RAPGEF5: variants seen among roughly 807,000 people sequenced by gnomAD.
RAPGEF5 encodes the protein M-Ras-regulated GEF.
Under a neutral mutation model 125.2 loss-of-function variants are expected in RAPGEF5, and 65 were observed. The observed-to-expected ratio is 0.52, with a 90% CI of 0.43 to 0.64. The LOEUF (loss-of-function observed/expected upper bound fraction) is 0.64, where lower values mean the gene tolerates loss of function less well. RAPGEF5 is among the 30% of genes least tolerant of loss of function. The probability of loss-of-function intolerance (pLI) is 0.00; values close to 1 mark genes in which losing one functional copy is unlikely to be tolerated. For missense variants in RAPGEF5, 958 were observed against 1,048.1 expected, an observed-to-expected ratio of 0.91 and a Z score of 1.19; for synonymous variants, 391 against 385.9, an observed-to-expected ratio of 1.01 and a Z score of -0.16.
At chr7:22,123,082 A>G (rs1782631745) in intron 25 of RAPGEF5, among the ~76,000 whole-genome samples, 1 of 152,222 alleles carries the variant, frequency 6.6e-6, no homozygotes, top group South Asian at 2.1e-4. Flanking sequence ...ATGAACAGAT[A>G]CAACAGAACA....
intron 1 of RAPGEF5, among the ~76,000 whole-genome samples, chr7:22,324,815 C>T (rs62447098): frequency 0.22 from 33,101 of 152,048 alleles, 3,673 homozygotes; most frequent in Admixed American, 0.24. Flanking sequence ...CCCGAAAACA[C>T]CTCCCTACAT....
At chr7:22,147,213 T>G (rs1783471274) in intron 18 of RAPGEF5, among the ~76,000 whole-genome samples, 194 bp from the exon 19 acceptor site, 1 of 152,200 alleles carries the variant, frequency 6.6e-6, no homozygotes, top group Non-Finnish European at 1.5e-5. Context: ...CAGTAGAATG[T>G]GATCAATGAT....
At chr7:22,228,096 A>C (rs994020795) in intron 8 of RAPGEF5, among the ~76,000 whole-genome samples, 1 of 152,196 alleles carries the variant, frequency 6.6e-6, no homozygotes, top group Non-Finnish European at 1.5e-5. Flanking sequence ...CGTGACAATA[A>C]CTGACAGAGG....
At chr7:22,312,442 C>A (rs1783494697) in intron 3 of RAPGEF5, among the ~76,000 whole-genome samples, 1 of 152,140 alleles carries the variant, frequency 6.6e-6, no homozygotes, top group Admixed American at 6.5e-5. Context: ...CTCCTGGCCT[C>A]AGGTGATCCA....
At chr7:22,211,477 T>C (rs1583485173) in intron 9 of RAPGEF5, among the ~76,000 whole-genome samples, 2 of 152,206 alleles carry the variant, frequency 1.3e-5, no homozygotes, top group South Asian at 2.1e-4. Context: ...TATAGCAGTA[T>C]ATTTTAGGGA....
At chr7:22,122,818 C>T (rs925033901) in intron 25 of RAPGEF5, among the ~76,000 whole-genome samples, 8 of 152,148 alleles carry the variant, frequency 5.3e-5, no homozygotes, top group African/African-American at 1.2e-4. Context: ...AGCACAGTCA[C>T]GCAGCAAGTT....
chr7:22,332,688 C>T (rs1425795606), intron 1 of RAPGEF5, among the ~76,000 whole-genome samples: 1 of 152,238 alleles, frequency 6.6e-6, no homozygotes, highest in African/African-American at 2.4e-5. Flanking sequence ...TTCCATGACT[C>T]ATGGGAGGCA....
At chr7:22,139,104 A>G (rs1783172070) in intron 21 of RAPGEF5, among the ~76,000 whole-genome samples, 1 of 152,196 alleles carries the variant, frequency 6.6e-6, no homozygotes, top group Non-Finnish European at 1.5e-5. Context: ...GGTTGCCCAG[A>G]GACCTATTCC....
intron 11 of RAPGEF5, chr7:22,191,700 T>G: frequency 2.1e-6 from 1 of 469,466 alleles, no homozygotes; most frequent in Non-Finnish European, 4.4e-6. Context: ...TATTTCCCAA[T>G]AGCAGGCAAA....
chr7:22,324,010 G>C (rs1783766016), intron 1 of RAPGEF5, among the ~76,000 whole-genome samples: 1 of 152,070 alleles, frequency 6.6e-6, no homozygotes, highest in African/African-American at 2.4e-5. Context: ...ATGAGACATA[G>C]GATATTTGCA....
In RAPGEF5 at chr7:22,162,475, G is replaced by A; in HGVS notation, c.1350C>T (p.Val450=). ...CAATCCACTGGGAAACAAGATGCAA[G>A]ACTTTACGTTTCCTACGCGGAACGT... ...NSDVPRRKRK[V]LHLVSQWIAL... The change falls in exon 13 of 26, where the codon GTC becomes GTT. Residue 450 remains valine (V), a synonymous_variant. Transcript: ENST00000665637. 1 of 1,604,510 alleles carries A rather than the reference G, an allele frequency of 6.2e-7. No homozygotes were observed. The highest frequency in any genetic ancestry group is 8.5e-7 in the Non-Finnish European group (1 of 1,171,342).
chr7:22,171,694 T>A (rs1784355021), intron 11 of RAPGEF5, among the ~76,000 whole-genome samples: 1 of 152,172 alleles, frequency 6.6e-6, no homozygotes, highest in African/African-American at 2.4e-5. Flanking sequence ...AGATGGGGGT[T>A]TCACCATGTT....
At chr7:22,212,734 A>G (rs73683326) in intron 9 of RAPGEF5, among the ~76,000 whole-genome samples, 3,867 of 152,312 alleles carry the variant, frequency 0.025, 144 homozygotes, top group African/African-American at 0.085. Context: ...CTGATCAGAC[A>G]CCAGACTACA....
intron 9 of RAPGEF5, among the ~76,000 whole-genome samples, chr7:22,214,441 G>A (rs1226579990): frequency 6.6e-6 from 1 of 152,056 alleles, no homozygotes; most frequent in African/African-American, 2.4e-5. Flanking sequence ...GTCAGGTTAG[G>A]AGCTATTGTT....
chr7:22,221,165 C>T (rs367592077), intron 8 of RAPGEF5, among the ~76,000 whole-genome samples: 1 of 152,192 alleles, frequency 6.6e-6, no homozygotes, highest in African/African-American at 2.4e-5. Context: ...AATTCCTCCA[C>T]CAAAGTCAGA....
At chr7:22,209,632 T>C (rs1053045813) in intron 9 of RAPGEF5, among the ~76,000 whole-genome samples, 10 of 152,208 alleles carry the variant, frequency 6.6e-5, no homozygotes, top group Admixed American at 2.0e-4. Flanking sequence ...CATTTATTTT[T>C]TGCTGGCCAA....
chr7:22,127,392 T>C (rs1263935248), intron 24 of RAPGEF5, among the ~76,000 whole-genome samples: 2 of 152,218 alleles, frequency 1.3e-5, no homozygotes, highest in South Asian at 2.1e-4. Flanking sequence ...CATCATCTTA[T>C]ACTTTTGTAC....
intron 19 of RAPGEF5, 48 bp from the exon 20 acceptor site, chr7:22,145,270 G>A (rs763022234): frequency 6.5e-7 from 1 of 1,529,738 alleles, no homozygotes; most frequent in South Asian, 1.3e-5. Flanking sequence ...GCAAAGTATG[G>A]TTGATACAAA....
intron 24 of RAPGEF5, among the ~76,000 whole-genome samples, chr7:22,126,473 C>A (rs1329837139): frequency 6.6e-6 from 1 of 152,128 alleles, no homozygotes; most frequent in Non-Finnish European, 1.5e-5. Context: ...ATGTGCAGAG[C>A]CTACTATGTC....
Sources: allele counts gnomAD v4.1 joint callset (sites outside exome capture counted in the v4.1 genomes callset), GRCh38; gene constraint gnomAD v4.1.1; transcripts MANE v1.5; gene names NCBI Gene and HGNC (gene_info 2026-07-23, HGNC 2026-07-21).